Variants in TTC27 observed in about 807,000 individuals in gnomAD.
TTC27 encodes tetratricopeptide repeat domain 27, also known as tetratricopeptide repeat protein 27.
TTC27 carries 79 observed loss-of-function variants against 115.9 expected under a neutral mutation model. The observed-to-expected ratio is 0.68, with a 90% confidence interval of 0.57 to 0.82. The LOEUF is 0.82. TTC27 is among the 40% of genes least tolerant of loss of function. The pLI is 0.00. For missense variants in TTC27, 1,054 were observed against 993.1 expected, an observed-to-expected ratio of 1.06 and a Z score of -0.82; for synonymous variants, 401 against 356.0, an observed-to-expected ratio of 1.13 and a Z score of -1.42.
chr2:32,785,451 A>G (rs1487983447), intron 15 of TTC27, among the ~76,000 whole-genome samples: 1 of 151,970 alleles, frequency 6.6e-6, no homozygotes, highest in African/African-American at 2.4e-5. Context: ...TGTATGTTTG[A>G]GTCTTACCTC....
intron 14 of TTC27, among the ~76,000 whole-genome samples, chr2:32,780,474 C>T (rs1252192524): frequency 6.6e-6 from 1 of 152,078 alleles, no homozygotes; most frequent in Non-Finnish European, 1.5e-5. Flanking sequence ...GAATCTTGCT[C>T]TGTTGCTCAG....
chr2:32,792,259 C>T (rs1486187255), intron 16 of TTC27, among the ~76,000 whole-genome samples: 1 of 152,116 alleles, frequency 6.6e-6, no homozygotes, highest in Admixed American at 6.5e-5. Context: ...CACTTGCTGG[C>T]TGTGCATTAC....
At chr2:32,645,547 T>A (rs1475912049) in intron 4 of TTC27, among the ~76,000 whole-genome samples, 3 of 152,254 alleles carry the variant, frequency 2.0e-5, no homozygotes, top group Non-Finnish European at 2.9e-5. Flanking sequence ...TTTCTTTTTT[T>A]AAAATTGTAT....
At chr2:32,711,979 G>C (rs1028117297) in intron 10 of TTC27, among the ~76,000 whole-genome samples, 1 of 151,980 alleles carries the variant, frequency 6.6e-6, no homozygotes. Flanking sequence ...AAGCTAGAAA[G>C]GACCCCCTTA....
intron 5 of TTC27, among the ~76,000 whole-genome samples, chr2:32,662,866 G>A (rs988685213): frequency 2.6e-5 from 4 of 152,126 alleles, no homozygotes; most frequent in Admixed American, 2.6e-4. Context: ...CAATTGTGAT[G>A]TTAGGGTGTC....
Position 32,628,218 on chromosome 2 carries a change from T to A in TTC27, c.-75T>A. ...AGATTTCAGCGCCTTTGGACTCTCC[T>A]GTTTTCACTTTCTTTTGTTGACTCC... On this transcript the variant is annotated 5_prime_UTR_variant, in exon 1 of 20. Transcript: ENST00000317907. 7.0e-7 allele frequency: 1 copy of A among 1,420,314 alleles called. No individual in the cohort carries two copies. The highest frequency in any genetic ancestry group is 9.8e-7 in the Non-Finnish European group (1 of 1,024,644). The allele number at this position is 1,420,314 out of a possible 1,614,324, so 88.0% of individuals were successfully genotyped here. A position where few individuals can be genotyped will look rare whatever the true frequency, so the allele number is the denominator to read the frequency against.
chr2:32,785,092 G>A (rs953933985), intron 15 of TTC27, among the ~76,000 whole-genome samples: 1 of 152,126 alleles, frequency 6.6e-6, no homozygotes, highest in African/African-American at 2.4e-5. Context: ...TTACTCTTGA[G>A]TGGTAAGTTT....
chr2:32,768,978 G>T (rs1669732097), intron 13 of TTC27, among the ~76,000 whole-genome samples: 1 of 152,208 alleles, frequency 6.6e-6, no homozygotes, highest in Non-Finnish European at 1.5e-5. Flanking sequence ...GTGCTGTATT[G>T]TAGCAGAGAT....
chr2:32,772,722 G>T (rs1286681337), intron 13 of TTC27, among the ~76,000 whole-genome samples: 1 of 152,174 alleles, frequency 6.6e-6, no homozygotes, highest in Non-Finnish European at 1.5e-5. Flanking sequence ...TTCAATTTAT[G>T]ATGGATTTAT....
rs564189010 is a variant in TTC27 at position 32,663,501 on chromosome 2, TGTCTAACCAGTCCCA to T, written c.641-799_641-785del. ...CCCGCCCTCCATGGGCTGCACCCAC[TGTCTAACCAGTCCCA>T]GTGAGATGAGCCTGGTACCTCAGTT... On this transcript the variant is annotated intron_variant, in intron 5 of 19. Coordinates refer to ENST00000317907, the MANE Select transcript of TTC27 (RefSeq NM_017735.5). 4.2e-3 allele frequency among the ~76,000 whole-genome samples: 642 copies of T among 152,264 alleles called. 3 individuals are homozygous for T. The highest frequency in any genetic ancestry group is 5.7e-3 in the Non-Finnish European group (389 of 68,008).
At chr2:32,665,587 A>G (rs749707768) in intron 6 of TTC27, among the ~76,000 whole-genome samples, 15 of 152,294 alleles carry the variant, frequency 9.8e-5, no homozygotes, top group Non-Finnish European at 8.8e-5. Context: ...CCACTCATCT[A>G]TAGCCTTCCT....
chr2:32,640,287 A>G lies in TTC27; in HGVS notation c.414A>G (p.Ala138=), dbSNP rs1301987491. Residue 138 remains alanine, a synonymous_variant, in exon 4 of 20, where the codon GCA becomes GCG. Coordinates refer to ENST00000317907, the MANE Select transcript of TTC27 (RefSeq NM_017735.5). ...TTTTTCAGGTTAAAGGACTGGATGC[A>G]TTTGTTCTGAGCCTGCTCACTCTAG... The part of the protein sequence containing the change: ...QQFSEVKGLD[A]FVLSLLTLDG... The G allele has an allele frequency of 1.2e-6, 2 of 1,613,826 alleles. No individual in the cohort carries two copies. Among genetic ancestry groups the G allele is most frequent in the African/African-American group, 1.3e-5 (1 of 74,910 alleles).
chr2:32,661,630 T>C (rs1665551697), intron 5 of TTC27, among the ~76,000 whole-genome samples: 1 of 152,252 alleles, frequency 6.6e-6, no homozygotes, highest in Admixed American at 6.5e-5. Context: ...ATCCTGAGAC[T>C]TTGCTGAAGT....
At chr2:32,746,558 C>A (rs1470304269) in intron 12 of TTC27, among the ~76,000 whole-genome samples, 2 of 576 alleles carry the variant, frequency 3.5e-3, no homozygotes, top group African/African-American at 5.6e-3. Context: ...AGTGAAACTC[C>A]ATCTCAAAAA....
At chr2:32,736,201 A>C (rs1423444577) in intron 11 of TTC27, among the ~76,000 whole-genome samples, 1 of 152,154 alleles carries the variant, frequency 6.6e-6, no homozygotes, top group Non-Finnish European at 1.5e-5. Flanking sequence ...ATTAGGTAGC[A>C]AAGTTTGTTA....
chr2:32,663,372 A>G (rs746490581), intron 5 of TTC27, among the ~76,000 whole-genome samples: 7 of 152,152 alleles, frequency 4.6e-5, no homozygotes, highest in South Asian at 2.1e-4. Context: ...CTGGGTCAGA[A>G]TGCACCATTT....
At chr2:32,645,603 G>T (rs1391251702) in intron 4 of TTC27, among the ~76,000 whole-genome samples, 2 of 151,822 alleles carry the variant, frequency 1.3e-5, no homozygotes, top group Non-Finnish European at 2.9e-5. Flanking sequence ...CAATGTGCAG[G>T]TTTGTTATAT....
At chr2:32,700,439 T>C (rs1245210221) in intron 9 of TTC27, among the ~76,000 whole-genome samples, 1 of 152,192 alleles carries the variant, frequency 6.6e-6, no homozygotes, top group Non-Finnish European at 1.5e-5. Flanking sequence ...GATAATCCCT[T>C]TAATAAGATG....
chr2:32,640,072 C>T (rs1664583553), intron 3 of TTC27, among the ~76,000 whole-genome samples, 198 bp from the exon 4 acceptor site: 1 of 152,252 alleles, frequency 6.6e-6, no homozygotes, highest in East Asian at 1.9e-4. Flanking sequence ...GGTGGCCATC[C>T]ATCAGGGCAG....
Sources: allele counts gnomAD v4.1 joint callset (sites outside exome capture counted in the v4.1 genomes callset), GRCh38; gene constraint gnomAD v4.1.1; transcripts MANE v1.5; gene names NCBI Gene and HGNC (gene_info 2026-07-23, HGNC 2026-07-21).